The following SEMA3A variants were observed in gnomAD, a reference collection of about 807,000 sequenced individuals.
SEMA3A encodes semaphorin-3A.
In SEMA3A, 29 loss-of-function variants were observed where a neutral mutation model predicts 97.9. The ratio of observed to expected loss-of-function variants is 0.30; its 90% CI spans 0.22 to 0.40. The LOEUF (loss-of-function observed/expected upper bound fraction) is 0.40, where lower values mean the gene tolerates loss of function less well. Ranked by LOEUF, SEMA3A falls within the 10% of genes least tolerant of loss-of-function variation. The pLI, the probability that SEMA3A is intolerant of heterozygous loss-of-function variation, is 1.00. For missense variants in SEMA3A, 763 were observed against 951.3 expected, an observed-to-expected ratio of 0.80 and a Z score of 2.60; for synonymous variants, 321 against 323.7, an observed-to-expected ratio of 0.99 and a Z score of 0.09.
intron 3 of SEMA3A, among the ~76,000 whole-genome samples, chr7:84,305,594 C>T (rs1266588219): frequency 6.6e-6 from 1 of 151,934 alleles, no homozygotes; most frequent in Non-Finnish European, 1.5e-5. Flanking sequence ...TAAGTACTGG[C>T]TAGATCCCAA....
chr7:84,149,714 C>T (rs746150622), intron 1 of SEMA3A, among the ~76,000 whole-genome samples: 16 of 152,192 alleles, frequency 1.1e-4, no homozygotes, highest in South Asian at 8.3e-4. Context: ...AAAAACAAAA[C>T]ACTACTAACA....
rs547071377 is a variant in SEMA3A at position 84,066,557 on chromosome 7, A to G, written c.454-5999T>C. On this transcript the variant is annotated intron_variant, in intron 4 of 16. Coordinates refer to ENST00000265362, the MANE Select transcript of SEMA3A (RefSeq NM_006080.3). ...AGCCCAAAATCTCCTTAAGCTGATAAGCAACTTCAGCAAAGTCTCAGGATA... is the reference window on the plus strand; with the variant it reads ...AGCCCAAAATCTCCTTAAGCTGATAGGCAACTTCAGCAAAGTCTCAGGATA... 4.9e-3 allele frequency among the ~76,000 whole-genome samples: 735 copies of G among 150,226 alleles called. 9 individuals carry two copies. The highest frequency in any genetic ancestry group is 0.017 in the African/African-American group (686 of 40,228).
At chr7:84,301,800 T>C (rs557211785) in intron 3 of SEMA3A, among the ~76,000 whole-genome samples, 1 of 152,164 alleles carries the variant, frequency 6.6e-6, no homozygotes, top group Non-Finnish European at 1.5e-5. Flanking sequence ...AGAGCCCTGA[T>C]GCGGAATGAC....
chr7:84,194,899 C>T (rs549021610), upstream of SEMA3A: 1 of 225,334 alleles, frequency 4.4e-6, no homozygotes, highest in African/African-American at 2.3e-5. Context: ...TGCAGTGGTG[C>T]TTAAGAAGCA....
chr7:84,172,474 G>C (rs1797415216), intron 1 of SEMA3A, among the ~76,000 whole-genome samples: 1 of 152,070 alleles, frequency 6.6e-6, no homozygotes, highest in Non-Finnish European at 1.5e-5. Flanking sequence ...CCAGGCTGGA[G>C]TGCAGTGGGC....
At chr7:84,140,754 A>G (rs1279953331) in intron 1 of SEMA3A, among the ~76,000 whole-genome samples, 1 of 152,140 alleles carries the variant, frequency 6.6e-6, no homozygotes, top group Non-Finnish European at 1.5e-5. Context: ...TTTCAATTTC[A>G]TGAACCAAAA....
At chr7:84,134,027 C>T in intron 2 of SEMA3A, among the ~76,000 whole-genome samples, 1 of 151,946 alleles carries the variant, frequency 6.6e-6, no homozygotes, top group Non-Finnish European at 1.5e-5. Context: ...CGCCACTGCA[C>T]TCCAGCCTGG....
In SEMA3A at chr7:84,312,711, A is replaced by G. The variant is rs535022425; in HGVS notation, c.-168-5419T>C. 2.0e-5 allele frequency among the ~76,000 whole-genome samples: 3 copies of G among 149,558 alleles called. No homozygotes were observed. In the East Asian group the frequency reaches 5.9e-4, roughly 29 times the overall value. The stretch of plus-strand genomic sequence containing the variant: ...CACAAACACTCTTTGGAGAATCCTT[A>G]TTAGTTGATTTGTATATGCTTTGCT... On this transcript the variant is annotated intron_variant, in intron 2 of 3. Coordinates refer to the SEMA3A transcript ENST00000424555.
At chr7:84,134,462 C>T (rs947739378) in intron 2 of SEMA3A, among the ~76,000 whole-genome samples, 1 of 152,182 alleles carries the variant, frequency 6.6e-6, no homozygotes, top group Non-Finnish European at 1.5e-5. Flanking sequence ...TTTATACCTA[C>T]ACACATATAA....
At chr7:84,361,829 G>A (rs1192329274) in intron 2 of SEMA3A, among the ~76,000 whole-genome samples, 1 of 151,980 alleles carries the variant, frequency 6.6e-6, no homozygotes, top group African/African-American at 2.4e-5. Flanking sequence ...CTCTGCAGAG[G>A]AGACGGTGTC....
chr7:84,014,224 T>G lies in SEMA3A; in HGVS notation c.795A>C (p.Ile265=). 1 of 1,610,414 alleles carries G rather than the reference T, an allele frequency of 6.2e-7. No homozygotes were observed. Among genetic ancestry groups the G allele is most frequent in the Non-Finnish European group, 8.5e-7 (1 of 1,178,786 alleles). ...EHSGKATHAR[I]GQICKNDFGG... ...TTTACCTCACCTTGCATATCTGACC[T>G]ATTCTAGCGTGAGTAGCTTTTCCAG... Residue 265 remains isoleucine (I), a synonymous_variant, in exon 7 of 17, where the codon ATA becomes ATC. Transcript: ENST00000265362.
chr7:84,295,985 T>A (rs578091111), intron 3 of SEMA3A, among the ~76,000 whole-genome samples: 2 of 152,228 alleles, frequency 1.3e-5, no homozygotes, highest in African/African-American at 4.8e-5. Flanking sequence ...TGAAAATGAT[T>A]CAGCAAAATA....
At chr7:84,197,043 G>A (rs2116286545), upstream of SEMA3A, among the ~76,000 whole-genome samples, 1 of 152,086 alleles carries the variant, frequency 6.6e-6, no homozygotes, top group South Asian at 2.1e-4. Context: ...ATAAAAGAGG[G>A]TCAAAAATGG....
At chr7:84,266,195 C>T (rs1323901421) in intron 3 of SEMA3A, among the ~76,000 whole-genome samples, 1 of 151,426 alleles carries the variant, frequency 6.6e-6, no homozygotes, top group Non-Finnish European at 1.5e-5. Context: ...GTGGTGCACT[C>T]CTGTAATCCC....
At chr7:84,077,219 G>C (rs1041126724) in intron 4 of SEMA3A, among the ~76,000 whole-genome samples, 1 of 152,000 alleles carries the variant, frequency 6.6e-6, no homozygotes, top group Admixed American at 6.6e-5. Context: ...TAAAGTAATA[G>C]AACAATTGAC....
At chr7:84,119,171 A>G (rs1795523947) in intron 3 of SEMA3A, among the ~76,000 whole-genome samples, 1 of 152,162 alleles carries the variant, frequency 6.6e-6, no homozygotes, top group Non-Finnish European at 1.5e-5. Context: ...CACAATACTA[A>G]AAAAACTATC....
intron 1 of SEMA3A, among the ~76,000 whole-genome samples, chr7:84,153,486 G>C (rs1048299418): frequency 2.0e-5 from 3 of 152,014 alleles, no homozygotes; most frequent in African/African-American, 7.3e-5. Flanking sequence ...AAGTAAATGA[G>C]AATAAAAGGT....
chr7:84,317,898 T>C (rs56270377), intron 2 of SEMA3A, among the ~76,000 whole-genome samples: 10,298 of 152,234 alleles, frequency 0.068, 495 homozygotes, highest in Middle Eastern at 0.078. Flanking sequence ...TATTTGTTTC[T>C]TAAAATTCAA....
intron 6 of SEMA3A, among the ~76,000 whole-genome samples, chr7:84,019,975 A>G (rs1472245484): frequency 2.7e-5 from 4 of 150,228 alleles, no homozygotes; most frequent in African/African-American, 9.8e-5. Context: ...ACTTCTATAA[A>G]TGAAGTAATC....
Sources: allele counts gnomAD v4.1 joint callset (sites outside exome capture counted in the v4.1 genomes callset), GRCh38; gene constraint gnomAD v4.1.1; transcripts MANE v1.5; gene names NCBI Gene and HGNC (gene_info 2026-07-23, HGNC 2026-07-21).